TENM2: variants seen among roughly 807,000 people sequenced by gnomAD.
TENM2 encodes the protein teneurin-2.
Under a neutral mutation model 245.2 loss-of-function variants are expected in TENM2, and 52 were observed. The ratio of observed to expected loss-of-function variants is 0.21; its 90% confidence interval spans 0.17 to 0.27. The LOEUF (loss-of-function observed/expected upper bound fraction) is 0.27, where lower values mean the gene tolerates loss of function less well. Among genes scored for constraint, TENM2 ranks in the 10% least tolerant of loss-of-function variants. TENM2 has a pLI of 1.00. For synonymous variants in TENM2, 1,363 were observed against 1,438.9 expected, an observed-to-expected ratio of 0.95 and a Z score of 1.19; for missense variants, 3,046 against 3,666.8, an observed-to-expected ratio of 0.83 and a Z score of 4.37.
At chr5:168,096,998 G>A (rs1793424558) in intron 8 of TENM2, among the ~76,000 whole-genome samples, 1 of 152,178 alleles carries the variant, frequency 6.6e-6, no homozygotes, top group South Asian at 2.1e-4. Flanking sequence ...ATAAGACGGT[G>A]ATGCAGGTTA....
chr5:168,113,375 A>G (rs1267117651), intron 9 of TENM2, among the ~76,000 whole-genome samples: 1 of 152,168 alleles, frequency 6.6e-6, no homozygotes, highest in Non-Finnish European at 1.5e-5. Flanking sequence ...ACAGACTTCA[A>G]ATAATTTTTT....
intron 3 of TENM2, among the ~76,000 whole-genome samples, chr5:167,914,341 G>A (rs919229373): frequency 9.9e-5 from 15 of 152,280 alleles, no homozygotes; most frequent in African/African-American, 2.6e-4. Context: ...TCCAAAGGAC[G>A]CCTGCATTCC....
intron 2 of TENM2, among the ~76,000 whole-genome samples, chr5:167,684,484 A>C (rs921163375): frequency 1.8e-4 from 28 of 152,226 alleles, no homozygotes; most frequent in African/African-American, 6.8e-4. Context: ...TGAGTCATGC[A>C]ACAAATAAAG....
At chr5:167,390,550 AG>A (rs1212153526) in intron 2 of TENM2, among the ~76,000 whole-genome samples, 1 of 152,222 alleles carries the variant, frequency 6.6e-6, no homozygotes, top group Non-Finnish European at 1.5e-5. Flanking sequence ...TTCACAAAAT[AG>A]GTAGTTCTGC....
At chr5:168,016,581 T>C (rs936113676) in intron 5 of TENM2, among the ~76,000 whole-genome samples, 1 of 152,184 alleles carries the variant, frequency 6.6e-6, no homozygotes, top group African/African-American at 2.4e-5. Context: ...CATGTTAACG[T>C]AGGTTCTGTG....
chr5:167,502,423 T>G (rs1282614860), intron 2 of TENM2, among the ~76,000 whole-genome samples: 1 of 152,206 alleles, frequency 6.6e-6, no homozygotes, highest in African/African-American at 2.4e-5. Context: ...AATGCCACTT[T>G]TAGATTACAG....
At position 168,238,209 on chromosome 5, in the gene TENM2, G is replaced by A. The variant is rs1562320707; in HGVS notation, c.5521-6211G>A. On this transcript the variant is annotated intron_variant, in intron 25 of 28. Transcript: ENST00000518659. The stretch of plus-strand genomic sequence containing the variant: ...AGGGAGGGAGGGAGGGAGGGAGGGA[G>A]GGAGGGAGAGAGAAGAAAAGAAAAG... 3.9e-4 allele frequency among the ~76,000 whole-genome samples: 41 copies of A among 103,900 alleles called. 11 individuals carry two copies. The highest frequency in any genetic ancestry group is 1.5e-3 in the African/African-American group (41 of 26,720). The allele number at this position is 103,900 out of a possible 152,430, so 68.2% of individuals were successfully genotyped here.
intron 1 of TENM2, among the ~76,000 whole-genome samples, chr5:167,328,204 G>GTTT (rs70976412): frequency 1.6e-3 from 141 of 90,942 alleles, no homozygotes; most frequent in African/African-American, 3.8e-3. Flanking sequence ...TTCTCATATC[G>GTTT]TTTTTTTTTT....
chr5:167,264,186 T>G, the TENM2 span, among the ~76,000 whole-genome samples: 12 of 152,028 alleles, frequency 7.9e-5, 1 homozygote, highest in Admixed American at 7.9e-4. Context: ...TTGACTTTAC[T>G]AAGGAATTCT....
intron 13 of TENM2, among the ~76,000 whole-genome samples, chr5:168,173,744 A>G (rs946269290): frequency 5.3e-5 from 8 of 152,152 alleles, no homozygotes; most frequent in Non-Finnish European, 8.8e-5. Context: ...AATACACACT[A>G]AAGCTGTCAC....
intron 5 of TENM2, among the ~76,000 whole-genome samples, chr5:168,031,150 T>A (rs1382036759): frequency 6.6e-6 from 1 of 152,168 alleles, no homozygotes; most frequent in Non-Finnish European, 1.5e-5. Flanking sequence ...AAGTGCAGCT[T>A]CAAGAGTCAG....
At chr5:167,350,601 T>G (rs896778046) in intron 1 of TENM2, among the ~76,000 whole-genome samples, 1 of 129,628 alleles carries the variant, frequency 7.7e-6, no homozygotes, top group Non-Finnish European at 1.7e-5. Flanking sequence ...TATATATGGA[T>G]ATATATATAT....
intron 7 of TENM2, among the ~76,000 whole-genome samples, chr5:168,086,016 T>C (rs1792422858): frequency 6.6e-6 from 1 of 152,132 alleles, no homozygotes; most frequent in Non-Finnish European, 1.5e-5. Context: ...AGCAAGAAAA[T>C]GTTCCAAATA....
intron 2 of TENM2, among the ~76,000 whole-genome samples, chr5:167,773,635 T>C (rs1321311972): frequency 6.6e-6 from 1 of 152,150 alleles, no homozygotes; most frequent in Non-Finnish European, 1.5e-5. Context: ...TATTTGGTCA[T>C]CAGATATCAT....
At chr5:167,873,625 A>G (rs1433440352) in intron 2 of TENM2, among the ~76,000 whole-genome samples, 1 of 152,216 alleles carries the variant, frequency 6.6e-6, no homozygotes, top group East Asian at 1.9e-4. Context: ...TAGCACAGCG[A>G]GTGGCAGATA....
chr5:167,796,116 T>C (rs1765297747), intron 2 of TENM2, among the ~76,000 whole-genome samples: 1 of 152,082 alleles, frequency 6.6e-6, no homozygotes, highest in Non-Finnish European at 1.5e-5. Context: ...TACAAAGGGG[T>C]TGGTTTTGTC....
Position 167,421,184 on chromosome 5 carries a change from T to C in TENM2, c.502+45711T>C, listed in dbSNP as rs138057158. On this transcript the variant is annotated intron_variant, in intron 2 of 28. Coordinates refer to ENST00000518659, the Ensembl canonical transcript of TENM2. ...CATATGGAACAAAACCCCCACATTGTTGATATCTCAAAAGAAATATTAGTC... is the reference window on the plus strand; with the variant it reads ...CATATGGAACAAAACCCCCACATTGCTGATATCTCAAAAGAAATATTAGTC... Among the ~76,000 whole-genome samples, 438 of 152,342 alleles carry C rather than the reference T, an allele frequency of 2.9e-3. 1 individual carries two copies. Among genetic ancestry groups the C allele is most frequent in the Non-Finnish European group, 4.8e-3 (327 of 68,022 alleles).
intron 2 of TENM2, among the ~76,000 whole-genome samples, chr5:167,460,470 A>C (rs1438793872): frequency 1.3e-5 from 2 of 152,130 alleles, no homozygotes; most frequent in Non-Finnish European, 2.9e-5. Context: ...GGGTTCTTTT[A>C]AAATTTTATT....
At chr5:168,091,438 G>A (rs1209084120) in intron 8 of TENM2, among the ~76,000 whole-genome samples, 2 of 152,110 alleles carry the variant, frequency 1.3e-5, no homozygotes, top group Non-Finnish European at 2.9e-5. Flanking sequence ...GCAATACAAA[G>A]CTCTAAAAGG....
Sources: allele counts gnomAD v4.1 joint callset (sites outside exome capture counted in the v4.1 genomes callset), GRCh38; gene constraint gnomAD v4.1.1; transcripts MANE v1.5; gene names NCBI Gene and HGNC (gene_info 2026-07-23, HGNC 2026-07-21).